The following NFIX variants were observed in gnomAD, a reference collection of about 807,000 sequenced individuals.
NFIX encodes nuclear factor I X.
A neutral mutation model predicts 53.3 loss-of-function variants in NFIX; 2 were observed. That is an observed-to-expected ratio of 0.04 (90% confidence interval 0.02 to 0.12). The LOEUF is 0.12. NFIX is among the 10% of genes least tolerant of loss of function. The pLI is 1.00. For synonymous variants in NFIX, 244 were observed against 289.0 expected (o/e 0.84, Z 1.58); for missense variants, 310 against 674.5 (o/e 0.46, Z 5.99).
intron 2 of NFIX, among the ~76,000 whole-genome samples, chr19:13,033,631 C>T (rs540301413): frequency 6.6e-6 from 1 of 152,364 alleles, no homozygotes; most frequent in South Asian, 2.1e-4. Context: ...TCTCTATCCC[C>T]TGCTTTAATT....
intron 2 of NFIX, among the ~76,000 whole-genome samples, chr19:13,035,755 T>G (rs2014142636): frequency 6.6e-6 from 1 of 152,142 alleles, no homozygotes; most frequent in South Asian, 2.1e-4. Flanking sequence ...TTTCATCAAT[T>G]CATATATCAA....
chr19:13,015,030 C>T (rs933886584), intron 1 of NFIX, among the ~76,000 whole-genome samples: 1 of 152,122 alleles, frequency 6.6e-6, no homozygotes, highest in Non-Finnish European at 1.5e-5. Flanking sequence ...GGGTTAGTGC[C>T]CACAGGCGCT....
chr19:13,049,340 A>G lies in NFIX; in HGVS notation c.560-23707A>G, dbSNP rs1456404716. 2.0e-5 allele frequency among the ~76,000 whole-genome samples: 3 copies of G among 152,224 alleles called. No homozygotes were observed. In the East Asian group the frequency reaches 5.8e-4, roughly 29 times the overall value. ...AGTACCTTCACAATGTTGTGTAACC[A>G]TCACCACCATCTAATTCCAGAACAA... is the stretch of plus-strand genomic sequence containing the variant. On this transcript the variant is annotated intron_variant, in intron 2 of 10. Coordinates refer to ENST00000592199, the MANE Select transcript of NFIX (RefSeq NM_001365902.3). This position sits in a 1 kb window ranked among gnomAD's most constrained non-coding sequence, Gnocchi z 4.5.
Position 13,002,557 on chromosome 19 carries a change from C to T in NFIX, c.27+6693C>T, listed in dbSNP as rs954033354. Among the ~76,000 whole-genome samples the T allele has an allele frequency of 7.9e-5, 12 of 151,394 alleles. No homozygotes were observed. The highest frequency in any genetic ancestry group is 2.2e-4 in the African/African-American group (9 of 41,224). ...CAATGGGCAGGGTGACTGAGCTGCC[C>T]GGCGGGGCGGGCGGGCAGGGAGGGG... On this transcript the variant is annotated intron_variant, in intron 1 of 10. Transcript: ENST00000592199. This position sits in a 1 kb window ranked among gnomAD's most constrained non-coding sequence, Gnocchi z 6.1.
Position 13,022,987 on chromosome 19 carries a change from G to GCCCGGTTCCCTCCTCC in NFIX, c.28-2031_28-2016dup, listed in dbSNP as rs2013028857. Among the ~76,000 whole-genome samples, 1 of 151,688 alleles carries GCCCGGTTCCCTCCTCC rather than the reference G, an allele frequency of 6.6e-6. No homozygotes were observed. Among genetic ancestry groups the GCCCGGTTCCCTCCTCC allele is most frequent in the Admixed American group, 6.6e-5 (1 of 15,258 alleles). On this transcript the variant is annotated intron_variant, in intron 1 of 10. Coordinates refer to ENST00000592199, the MANE Select transcript of NFIX (RefSeq NM_001365902.3). The surrounding 1 kb of genome is among the most constrained non-coding windows in gnomAD (Gnocchi z 4.5). ...GGGGCTCTCCCCACCCTCCCTGCTC[G>GCCCGGTTCCCTCCTCC]CCCGGTTCCCTCCTCCCCTTGGACG...
In NFIX at chr19:12,998,112, C is replaced by T. The variant is rs1365291038; in HGVS notation, c.27+2248C>T. Among the ~76,000 whole-genome samples the T allele has an allele frequency of 6.6e-6, 1 of 152,162 alleles. No individual in the cohort carries two copies. Among genetic ancestry groups the T allele is most frequent in the Admixed American group, 6.5e-5 (1 of 15,274 alleles). ...CCGCTGGTCTCTGTTTTTATGACAA[C>T]CTCTTTCCTTTGCTGTCTTTTTCTC... On this transcript the variant is annotated intron_variant, in intron 1 of 10. Transcript: ENST00000592199. The surrounding 1 kb of genome is among the most constrained non-coding windows in gnomAD (Gnocchi z 4.4).
intron 2 of NFIX, among the ~76,000 whole-genome samples, chr19:13,061,409 C>T (rs2016078561): frequency 6.6e-6 from 1 of 152,250 alleles, no homozygotes; most frequent in South Asian, 2.1e-4. Flanking sequence ...TGGCCTGGGC[C>T]TGAGTGGGTT....
In NFIX at chr19:13,087,774, C is replaced by CAAAAAAAAAAAA. The variant is rs1157966190; in HGVS notation, c.1255-202_1255-191dup. ...CCCTCCCACAACTTCAAAAGAGGAC[C>CAAAAAAAAAAAA]AAAAAAAAAAAAAAAAAAAAAAAAG... On this transcript the variant is annotated intron_variant, in intron 8 of 10. Coordinates refer to ENST00000592199, the MANE Select transcript of NFIX (RefSeq NM_001365902.3). 3.4e-4 allele frequency among the ~76,000 whole-genome samples: 9 copies of CAAAAAAAAAAAA among 26,386 alleles called. 1 individual carries two copies. The highest frequency in any genetic ancestry group is 1.1e-3 in the African/African-American group (6 of 5,606). The allele number at this position is 26,386 out of a possible 152,430, so 17.3% of individuals were successfully genotyped here. A position where few individuals can be genotyped will look rare whatever the true frequency, so the allele number is the denominator to read the frequency against.
chr19:13,044,054 T>G (rs1025158961), intron 2 of NFIX, among the ~76,000 whole-genome samples: 3 of 152,180 alleles, frequency 2.0e-5, no homozygotes, highest in Non-Finnish European at 4.4e-5. Flanking sequence ...GTCTTCAGCC[T>G]CTGTTGACCC....
chr19:13,004,588 A>G (rs1171394140), intron 1 of NFIX, among the ~76,000 whole-genome samples: 1 of 152,098 alleles, frequency 6.6e-6, no homozygotes, highest in Non-Finnish European at 1.5e-5. Context: ...AGCCACAACC[A>G]GCTGTCTTTG....
chr19:13,005,467 T>C lies in NFIX; in HGVS notation c.27+9603T>C, dbSNP rs1437066279. On this transcript the variant is annotated intron_variant, in intron 1 of 10. Transcript: ENST00000592199. The surrounding 1 kb of genome is among the most constrained non-coding windows in gnomAD (Gnocchi z 4.7). ...AGCTGTGTAACTTCAGGCAAGTTGC[T>C]TAACCTCTCTGGGTCTCAATTTCTG... Among the ~76,000 whole-genome samples the C allele has an allele frequency of 6.6e-6, 1 of 152,170 alleles. No individual in the cohort carries two copies. Among genetic ancestry groups the C allele is most frequent in the Admixed American group, 6.6e-5 (1 of 15,266 alleles).
rs1268666773 is a variant in NFIX at position 13,027,535 on chromosome 19, A to ATT, written c.559+1984_559+1985insTT. 6.6e-6 allele frequency among the ~76,000 whole-genome samples: 1 copy of ATT among 152,140 alleles called. No homozygotes were observed. The highest frequency in any genetic ancestry group is 2.4e-5 in the African/African-American group (1 of 41,426). On this transcript the variant is annotated intron_variant, in intron 2 of 10. Transcript: ENST00000592199. The surrounding 1 kb of genome is among the most constrained non-coding windows in gnomAD (Gnocchi z 4.3). The stretch of plus-strand genomic sequence containing the variant: ...ATTTTAGAACCAGGGGCTCGAGAGC[A>ATT]TCTAAGATGAAAATCAACACTCATC...
At chr19:13,080,974 T>C (rs1251192560) in intron 7 of NFIX, among the ~76,000 whole-genome samples, 1 of 149,646 alleles carries the variant, frequency 6.7e-6, no homozygotes, top group Non-Finnish European at 1.5e-5. Flanking sequence ...CACTCCAGCC[T>C]GGGTGAGAGA....
rs1246268176 is a variant in NFIX, at chr19:13,067,030, AG to A, written c.560-6015del. ...CAGATTCTCAGACTTCAGTTTCAGG[AG>A]GCACAATAGTTACATTCTCCAGCTC... On this transcript the variant is annotated intron_variant, in intron 2 of 10. Coordinates refer to ENST00000592199, the MANE Select transcript of NFIX (RefSeq NM_001365902.3). This position sits in a 1 kb window ranked among gnomAD's most constrained non-coding sequence, Gnocchi z 4.2. Among the ~76,000 whole-genome samples, 1 of 152,114 alleles carries A rather than the reference AG, an allele frequency of 6.6e-6. No homozygotes were observed. The highest frequency in any genetic ancestry group is 1.5e-5 in the Non-Finnish European group (1 of 68,002).
rs1224419925 is a variant in NFIX at position 13,094,684 on chromosome 19, A to C, written c.*35A>C. On this transcript the variant is annotated 3_prime_UTR_variant, in exon 11 of 11. Coordinates refer to ENST00000592199, the MANE Select transcript of NFIX (RefSeq NM_001365902.3). The surrounding 1 kb of genome is among the most constrained non-coding windows in gnomAD (Gnocchi z 4.3). ...CAAAAGAAACAACAAAATGAGAAGA[A>C]GAGGTTCCTCGAAAGGGGGGAGAAG... 1.3e-6 allele frequency: 2 copies of C among 1,533,636 alleles called. No homozygotes were observed. The highest frequency in any genetic ancestry group is 2.4e-5 in the East Asian group (1 of 40,894).
At chr19:13,055,878 C>G (rs2015650287) in intron 2 of NFIX, among the ~76,000 whole-genome samples, 1 of 152,208 alleles carries the variant, frequency 6.6e-6, no homozygotes, top group Non-Finnish European at 1.5e-5. Context: ...TCGCGCCTCC[C>G]TGGCCAGGGA....
intron 7 of NFIX, among the ~76,000 whole-genome samples, chr19:13,080,738 C>T (rs551604111): frequency 7.9e-5 from 12 of 152,058 alleles, no homozygotes; most frequent in African/African-American, 2.9e-4. Context: ...CGGTGTCTCA[C>T]GCCTGTAATC....
chr19:13,063,482 GT>G (rs59453057), intron 2 of NFIX, among the ~76,000 whole-genome samples: 42,958 of 147,974 alleles, frequency 0.29, 6,935 homozygotes, highest in East Asian at 0.6. Context: ...TCCTCTTTCT[GT>G]TTTTTTTTTT....
rs1236273556 is a variant in NFIX at position 13,088,034 on chromosome 19, C to T, written c.1300C>T (p.Pro434Ser). The T allele has an allele frequency of 6.5e-7, 1 of 1,536,168 alleles. No individual in the cohort carries two copies. The highest frequency in any genetic ancestry group is 8.7e-7 in the Non-Finnish European group (1 of 1,146,906). Reference sequence around the variant, plus strand: ...CAAAGTCCCGGGGTCATTTTTGCTACCGCCGCCGCCTCCAGTGGCCAGACC... The same window carrying T: ...CAAAGTCCCGGGGTCATTTTTGCTATCGCCGCCGCCTCCAGTGGCCAGACC... ...QGKVPGSFLLPPPPPVARPVP... is the reference protein window; with the variant it reads ...QGKVPGSFLLSPPPPVARPVP... The change falls in exon 9 of 11, where the codon CCG becomes TCG. Residue 434 changes from proline (P) to serine (S), a missense_variant. This residue lies in a region of NFIX where 35 missense variants were observed against 114.8 expected (regional missense o/e 0.30). Coordinates refer to ENST00000592199, the MANE Select transcript of NFIX (RefSeq NM_001365902.3). This position sits in a 1 kb window ranked among gnomAD's most constrained non-coding sequence, Gnocchi z 5.9.
Sources: allele counts gnomAD v4.1 joint callset (sites outside exome capture counted in the v4.1 genomes callset), GRCh38; gene constraint gnomAD v4.1.1; regional missense constraint gnomAD v4.1.1; non-coding constraint Gnocchi (gnomAD v3.1); transcripts MANE v1.5; gene names NCBI Gene and HGNC (gene_info 2026-07-23, HGNC 2026-07-21).